Variants in PIH1D2 observed in about 807,000 individuals in gnomAD.
The protein encoded by PIH1D2 is PIH1 domain-containing protein 2.
Under a neutral mutation model 31.2 loss-of-function variants are expected in PIH1D2, and 25 were observed. The ratio of observed to expected loss-of-function variants is 0.80; its 90% confidence interval spans 0.58 to 1.12. The LOEUF is 1.12. PIH1D2 is among the 50% of genes most tolerant of loss of function. The pLI is 0.00. For missense variants in PIH1D2, 310 were observed against 356.6 expected (o/e 0.87, Z 1.05); for synonymous variants, 116 against 119.9 (o/e 0.97, Z 0.21).
chr11:112,055,400 C>A, the PIH1D2 span, among the ~76,000 whole-genome samples: 1 of 151,820 alleles, frequency 6.6e-6, no homozygotes, highest in Non-Finnish European at 1.5e-5. Context: ...TGCACCACCA[C>A]GCCCGGCTAA....
chr11:112,061,152 G>T, downstream of PIH1D2: 1 of 1,614,046 alleles, frequency 6.2e-7, no homozygotes. Flanking sequence ...GGATAAACTG[G>T]TCCCTGCAGA....
Position 112,071,303 on chromosome 11 carries a change from G to A in PIH1D2, c.302-20C>T. ...AAGCATCTGTGTGTGTAATTGAAAG[G>A]GTATGAAATGAAGAAAAATTGTTGC... On this transcript the variant is annotated intron_variant, in intron 3 of 5. Coordinates refer to ENST00000280350, the MANE Select transcript of PIH1D2 (RefSeq NM_138789.4). 2 of 1,589,908 alleles carry A rather than the reference G, an allele frequency of 1.3e-6. No individual in the cohort carries two copies. Among genetic ancestry groups the A allele is most frequent in the Non-Finnish European group, 1.7e-6 (2 of 1,168,354 alleles).
chr11:112,059,320 A>T (rs1243077691), downstream of PIH1D2, among the ~76,000 whole-genome samples: 1 of 151,708 alleles, frequency 6.6e-6, no homozygotes, highest in African/African-American at 2.4e-5. Context: ...ATATGTGCGA[A>T]ACCAACCTAC....
At chr11:112,055,282 C>T in the PIH1D2 span, among the ~76,000 whole-genome samples, 1 of 119,674 alleles carries the variant, frequency 8.4e-6, no homozygotes, top group South Asian at 2.8e-4. Context: ...CCTGCTCTGT[C>T]GCCCAGGCTG....
downstream of PIH1D2, among the ~76,000 whole-genome samples, chr11:112,060,564 C>A (rs1864523668): frequency 6.6e-6 from 1 of 152,150 alleles, no homozygotes; most frequent in South Asian, 2.1e-4. Context: ...AAGCAATTCT[C>A]CTACCTCTGC....
chr11:112,055,655 G>T, the PIH1D2 span, among the ~76,000 whole-genome samples: 1 of 151,782 alleles, frequency 6.6e-6, no homozygotes, highest in African/African-American at 2.4e-5. Flanking sequence ...GATGCTGTTT[G>T]GGCTTTCCTG....
At chr11:112,062,168 T>C (rs1189680176), downstream of PIH1D2, among the ~76,000 whole-genome samples, 3 of 152,102 alleles carry the variant, frequency 2.0e-5, no homozygotes, top group Non-Finnish European at 4.4e-5. Context: ...TTGCAGTAAA[T>C]CTTTACCTAA....
downstream of PIH1D2, chr11:112,059,986 G>A (rs782009811): frequency 1.9e-6 from 3 of 1,613,828 alleles, no homozygotes; most frequent in African/African-American, 4.0e-5. Context: ...CATATAAAAG[G>A]AGTGGAAACC....
At chr11:112,052,532 G>A in the PIH1D2 span, among the ~76,000 whole-genome samples, 2 of 152,146 alleles carry the variant, frequency 1.3e-5, no homozygotes, top group Non-Finnish European at 2.9e-5. Context: ...CAAAGGATAT[G>A]GATGAACACC....
At chr11:112,058,621 G>GA (rs1360225035), downstream of PIH1D2, among the ~76,000 whole-genome samples, 2 of 129,060 alleles carry the variant, frequency 1.5e-5, no homozygotes, top group African/African-American at 5.6e-5. Context: ...GGGGAAGGGG[G>GA]GGGTGGGGGG....
downstream of PIH1D2, chr11:112,062,440 A>G: frequency 6.2e-7 from 1 of 1,612,692 alleles, no homozygotes; most frequent in East Asian, 2.2e-5. Context: ...TGTTACACTC[A>G]GTTGTGATCA....
chr11:112,069,006 T>C (rs1411503300), intron 5 of PIH1D2, among the ~76,000 whole-genome samples: 2 of 143,784 alleles, frequency 1.4e-5, no homozygotes, highest in South Asian at 4.4e-4. Flanking sequence ...TTGTTTTTTT[T>C]TTTTTGAGGG....
At chr11:112,060,924 G>A (rs1343615957), downstream of PIH1D2, 5 of 850,960 alleles carry the variant, frequency 5.9e-6, no homozygotes, top group Non-Finnish European at 9.2e-6. Context: ...TTCCATTCAG[G>A]CCTTTCTTAA....
the PIH1D2 span, among the ~76,000 whole-genome samples, chr11:112,055,550 T>A: frequency 6.6e-6 from 1 of 151,960 alleles, no homozygotes; most frequent in Non-Finnish European, 1.5e-5. Context: ...GGCCAAGGCC[T>A]ATATTCAACT....
chr11:112,053,133 C>A, the PIH1D2 span, among the ~76,000 whole-genome samples: 2 of 152,118 alleles, frequency 1.3e-5, no homozygotes, highest in South Asian at 4.2e-4. Context: ...ACCAGCCTGG[C>A]CAACATGGTG....
At chr11:112,057,606 G>A in the PIH1D2 span, among the ~76,000 whole-genome samples, 1 of 152,200 alleles carries the variant, frequency 6.6e-6, no homozygotes, top group Non-Finnish European at 1.5e-5. Context: ...GCTTAATTCA[G>A]AGCAAGGCCC....
chr11:112,073,060 T>A lies in PIH1D2; in HGVS notation c.115A>T (p.Lys39Ter), dbSNP rs1399683669. ...GCAGCACAGAGCTGTTTCCCTTCTT[T>A]CAGCTGCTGCTGAATAAACTTCTCA... ...GYEKFIQQQL[K>*]EGKQLCAAPE... The change falls in exon 2 of 6, where the codon AAA (lysine) becomes TAA (stop). Residue 39 changes from lysine (K) to a stop codon, truncating the protein, a stop_gained. Transcript: ENST00000280350. LOFTEE classifies it high-confidence loss of function. 21 of 1,614,156 alleles carry A rather than the reference T, an allele frequency of 1.3e-5. No homozygotes were observed. The highest frequency in any genetic ancestry group is 1.6e-5 in the Non-Finnish European group (19 of 1,180,008).
At position 112,073,140 on chromosome 11, in the gene PIH1D2, A is replaced by T. The variant is rs1865198998; in HGVS notation, c.35T>A (p.Val12Asp). Residue 12 changes from valine (V) to aspartate (D), a missense_variant, in exon 2 of 6, where the codon GTT (valine) becomes GAT (aspartate). Coordinates refer to ENST00000280350, the MANE Select transcript of PIH1D2 (RefSeq NM_138789.4). ...ETSSKGLLTQ[V>D]TQFWNLLDDL... ...ATCTAGGAGGTTCCAAAACTGAGTA[A>T]CTTGGGTAAGCAGACCTTTTGAGGA... 1.2e-6 allele frequency: 2 copies of T among 1,613,638 alleles called. No individual in the cohort carries two copies. Among genetic ancestry groups the T allele is most frequent in the Non-Finnish European group, 1.7e-6 (2 of 1,179,628 alleles).
downstream of PIH1D2, among the ~76,000 whole-genome samples, chr11:112,059,353 CTTTT>C (rs1229235062): frequency 1.5e-5 from 2 of 130,640 alleles, no homozygotes; most frequent in South Asian, 2.4e-4. Context: ...ATTTCTCATT[CTTTT>C]TTTTTTTTTT....
Sources: gnomAD v4.1 joint callset for allele counts (sites outside exome capture counted in the v4.1 genomes callset) on GRCh38, gnomAD v4.1.1 for gene constraint, MANE v1.5 for transcripts, NCBI Gene and HGNC (gene_info 2026-07-23, HGNC 2026-07-21) for gene names.